Variants in LINGO2 observed in about 807,000 individuals in gnomAD.
LINGO2 encodes the protein leucine-rich repeat and immunoglobulin-like domain-containing nogo receptor-interacting protein 2.
Under a neutral mutation model 30.6 loss-of-function variants are expected in LINGO2, and 14 were observed. That is an observed-to-expected ratio of 0.46 (90% CI 0.30 to 0.72). LINGO2 has a LOEUF of 0.72. Ranked by LOEUF, LINGO2 falls within the 30% of genes least tolerant of loss-of-function variation. The pLI is 0.07. For missense variants in LINGO2, 729 were observed against 751.7 expected, an observed-to-expected ratio of 0.97 and a Z score of 0.35; for synonymous variants, 317 against 288.5, an observed-to-expected ratio of 1.10 and a Z score of -1.00.
At chr9:28,959,075 G>A in the LINGO2 span, among the ~76,000 whole-genome samples, 1 of 152,100 alleles carries the variant, frequency 6.6e-6, no homozygotes, top group East Asian at 1.9e-4. Flanking sequence ...CAGTGCATGT[G>A]TAAGTGCCTG....
chr9:29,142,505 G>C, the LINGO2 span, among the ~76,000 whole-genome samples: 1 of 151,400 alleles, frequency 6.6e-6, no homozygotes, highest in Non-Finnish European at 1.5e-5. Flanking sequence ...AATAGAAAAA[G>C]AAAAACTAAT....
chr9:27,981,545 AAAAAAGAAAAAAAAGAAAAAAAAAG>A (rs1820861654), intron 5 of LINGO2, among the ~76,000 whole-genome samples: 2 of 121,658 alleles, frequency 1.6e-5, no homozygotes, highest in Non-Finnish European at 3.5e-5. Context: ...AAAAAAAAAA[AAAAAAGAAAAAAAAGAAAAAAAAAG>A]AAAAAAAAAA....
chr9:28,801,044 T>G, the LINGO2 span, among the ~76,000 whole-genome samples: 1 of 152,108 alleles, frequency 6.6e-6, no homozygotes. Flanking sequence ...GCAGTAAATT[T>G]GAATCCTAAT....
the LINGO2 span, among the ~76,000 whole-genome samples, chr9:29,075,303 A>G: frequency 1.3e-5 from 2 of 152,324 alleles, no homozygotes; most frequent in East Asian, 3.9e-4. Context: ...ATAATAAGTG[A>G]CATCCAAGGT....
chr9:28,234,597 C>T (rs556195707), intron 4 of LINGO2, among the ~76,000 whole-genome samples: 1 of 152,344 alleles, frequency 6.6e-6, no homozygotes, highest in East Asian at 1.9e-4. Context: ...AGCAGACTTG[C>T]TGAGGCTTCC....
the LINGO2 span, among the ~76,000 whole-genome samples, chr9:28,899,534 C>T: frequency 6.6e-6 from 1 of 152,202 alleles, no homozygotes; most frequent in Non-Finnish European, 1.5e-5. Flanking sequence ...AAGCAACTTG[C>T]TAGCCTTTGC....
At chr9:29,031,983 G>A in the LINGO2 span, among the ~76,000 whole-genome samples, 2 of 152,128 alleles carry the variant, frequency 1.3e-5, no homozygotes, top group Admixed American at 6.6e-5. Flanking sequence ...CTGAGGTTTT[G>A]TCCCTCAAGG....
chr9:28,097,113 T>G (rs10968341), intron 4 of LINGO2, among the ~76,000 whole-genome samples: 32,734 of 151,122 alleles, frequency 0.22, 3,902 homozygotes, highest in East Asian at 0.26. Flanking sequence ...ATCAGAGAAA[T>G]GCAAATCAAA....
the LINGO2 span, among the ~76,000 whole-genome samples, chr9:28,880,910 T>C: frequency 4.6e-5 from 7 of 152,298 alleles, no homozygotes; most frequent in Admixed American, 3.9e-4. Context: ...CATCCAGCCA[T>C]AGTACCTTCC....
At chr9:28,579,091 A>G (rs1488174135) in intron 1 of LINGO2, among the ~76,000 whole-genome samples, 2 of 151,256 alleles carry the variant, frequency 1.3e-5, no homozygotes, top group African/African-American at 4.8e-5. Context: ...GCTACACAGT[A>G]TGTGTGAGGT....
the LINGO2 span, among the ~76,000 whole-genome samples, chr9:28,974,215 G>A: frequency 6.6e-6 from 1 of 152,072 alleles, no homozygotes; most frequent in South Asian, 2.1e-4. Context: ...GACCAGCCTG[G>A]CCAATATAGT....
At chr9:28,928,254 T>C in the LINGO2 span, among the ~76,000 whole-genome samples, 1 of 152,224 alleles carries the variant, frequency 6.6e-6, no homozygotes, top group Non-Finnish European at 1.5e-5. Context: ...TTTCCAAGTT[T>C]GCACATAGCT....
intron 4 of LINGO2, among the ~76,000 whole-genome samples, chr9:28,098,036 G>T (rs915175781): frequency 7.9e-5 from 12 of 152,228 alleles, no homozygotes; most frequent in Admixed American, 2.6e-4. Flanking sequence ...CAGGTGCAGT[G>T]GCTCATGCCT....
chr9:29,101,128 G>A, the LINGO2 span, among the ~76,000 whole-genome samples: 1 of 152,048 alleles, frequency 6.6e-6, no homozygotes, highest in East Asian at 1.9e-4. Flanking sequence ...CATAACTTTA[G>A]CAAGGTCATT....
the LINGO2 span, among the ~76,000 whole-genome samples, chr9:28,752,560 G>T: frequency 6.6e-6 from 1 of 152,028 alleles, no homozygotes; most frequent in Admixed American, 6.5e-5. Flanking sequence ...TCAAAACTCT[G>T]TGAAATACTC....
At chr9:28,178,589 T>G (rs1828812558) in intron 4 of LINGO2, among the ~76,000 whole-genome samples, 1 of 152,100 alleles carries the variant, frequency 6.6e-6, no homozygotes, top group African/African-American at 2.4e-5. Context: ...AACAGGAAAT[T>G]ATCTTCTCAA....
the LINGO2 span, among the ~76,000 whole-genome samples, chr9:28,726,589 G>C: frequency 6.6e-6 from 1 of 152,144 alleles, no homozygotes; most frequent in African/African-American, 2.4e-5. Context: ...TAAATTTGCA[G>C]ATTGAAACCT....
chr9:28,617,356 C>T (rs974385777), intron 1 of LINGO2, among the ~76,000 whole-genome samples: 3 of 150,988 alleles, frequency 2.0e-5, no homozygotes, highest in Non-Finnish European at 2.9e-5. Context: ...AGTGCAGTGG[C>T]GCGATCTCGG....
At chr9:28,887,598 T>C in the LINGO2 span, among the ~76,000 whole-genome samples, 9 of 152,076 alleles carry the variant, frequency 5.9e-5, no homozygotes, top group African/African-American at 2.2e-4. Context: ...CACAACAAGC[T>C]ACTGGAAATA....
Sources: allele counts gnomAD v4.1 joint callset (sites outside exome capture counted in the v4.1 genomes callset), GRCh38; gene constraint gnomAD v4.1.1; transcripts MANE v1.5; gene names NCBI Gene and HGNC (gene_info 2026-07-23, HGNC 2026-07-21).